The following DIAPH1 variants were observed in gnomAD, a reference collection of about 807,000 sequenced individuals.
DIAPH1 encodes protein diaphanous homolog 1.
A neutral mutation model predicts 140.7 loss-of-function variants in DIAPH1; 46 were observed. The observed-to-expected ratio is 0.33, with a 90% CI of 0.26 to 0.42. The LOEUF is 0.42. Among genes scored for constraint, DIAPH1 ranks in the 10% least tolerant of loss-of-function variants. The pLI is 1.00. For synonymous variants in DIAPH1, 565 were observed against 551.6 expected (o/e 1.02, Z -0.34); for missense variants, 1,310 against 1,558.7 (o/e 0.84, Z 2.69).
intron 1 of DIAPH1, among the ~76,000 whole-genome samples, chr5:141,602,605 C>T (rs2099900331): frequency 6.6e-6 from 1 of 152,176 alleles, no homozygotes; most frequent in African/African-American, 2.4e-5. Flanking sequence ...CTTCCTATCT[C>T]TAGGGTTCTG....
At chr5:141,602,365 A>G (rs2099900283) in intron 1 of DIAPH1, among the ~76,000 whole-genome samples, 2 of 152,238 alleles carry the variant, frequency 1.3e-5, no homozygotes, top group Admixed American at 6.5e-5. Context: ...ACAGGCGCCC[A>G]TCACCTCACT....
At position 141,573,602 on chromosome 5, in the gene DIAPH1, G is replaced by A; in HGVS notation, c.2248C>T (p.Pro750Ser). ...PPPPGMGMPP[P>S]PPFGFGVPAA... ...GGAACTCCAAATCCAAATGGGGGAG[G>A]TGGAGGCATACCCATTCCGGGTGGA... The change falls in exon 16 of 28, where the codon CCT (proline) becomes TCT (serine). Residue 750 changes from proline (P) to serine (S), a missense_variant. Physicochemically the swap from Pro to Ser is moderately conservative, Grantham distance 74. Transcript: ENST00000389054. 6.2e-7 allele frequency: 1 copy of A among 1,614,044 alleles called. No homozygotes were observed. Among genetic ancestry groups the A allele is most frequent in the Non-Finnish European group, 8.5e-7 (1 of 1,179,984 alleles).
In DIAPH1 at chr5:141,602,569, T is replaced by C. The variant is rs144098196; in HGVS notation, c.118-14319A>G. Among the ~76,000 whole-genome samples, 70 of 152,350 alleles carry C rather than the reference T, an allele frequency of 4.6e-4. 1 individual carries two copies. Among genetic ancestry groups the C allele is most frequent in the African/African-American group, 1.5e-3 (64 of 41,592 alleles). On this transcript the variant is annotated intron_variant, in intron 1 of 27. Transcript: ENST00000389054. ...AAAGGAATGTAAAGTCAGGGTAAGC[T>C]TTTAAAAATCGACCACAGTTTCAGT...
chr5:141,527,492 T>C, intron 24 of DIAPH1, 81 bp downstream of exon 24: 4 of 1,495,060 alleles, frequency 2.7e-6, no homozygotes, highest in Non-Finnish European at 3.7e-6. Context: ...CATACTGCCC[T>C]ATCTATCCTG....
intron 1 of DIAPH1, among the ~76,000 whole-genome samples, chr5:141,610,537 G>C (rs2099901651): frequency 6.6e-6 from 1 of 152,032 alleles, no homozygotes; most frequent in South Asian, 2.1e-4. Flanking sequence ...TTCATCTCGT[G>C]ATCCGCCCAC....
intron 18 of DIAPH1, among the ~76,000 whole-genome samples, chr5:141,553,361 C>A (rs1460252168): frequency 6.6e-6 from 1 of 151,906 alleles, no homozygotes; most frequent in Non-Finnish European, 1.5e-5. Flanking sequence ...CAGTCTCGGC[C>A]GGGCATGGTG....
At chr5:141,571,903 G>A (rs771686219) in intron 17 of DIAPH1, 23 bp downstream of exon 17, 6 of 1,508,436 alleles carry the variant, frequency 4.0e-6, no homozygotes, top group South Asian at 1.1e-5. Flanking sequence ...CTGGACCTTT[G>A]CATCAAAGAG....
intron 18 of DIAPH1, among the ~76,000 whole-genome samples, chr5:141,569,238 G>A (rs2099894801): frequency 6.6e-6 from 1 of 152,076 alleles, no homozygotes; most frequent in Admixed American, 6.5e-5. Flanking sequence ...ACTGTTTGGA[G>A]TCTGAATTCT....
chr5:141,573,609 C>T lies in DIAPH1; in HGVS notation c.2241G>A (p.Met747Ile), dbSNP rs2099895521. The stretch of plus-strand genomic sequence containing the variant: ...CAAATCCAAATGGGGGAGGTGGAGG[C>T]ATACCCATTCCGGGTGGAGGTGGAG... Reference protein sequence around the residue: ...GIPPPPPGMGMPPPPPFGFGV... With the variant: ...GIPPPPPGMGIPPPPPFGFGV... Residue 747 changes from methionine (M) to isoleucine (I), a missense_variant, in exon 16 of 28, where the codon ATG becomes ATA. Around this residue, in one of 3 missense-constraint regions of DIAPH1, gnomAD observed 589 missense variants for 549.3 expected, o/e 1.07. Coordinates refer to ENST00000389054, the MANE Select transcript of DIAPH1 (RefSeq NM_005219.5). 2 of 1,613,438 alleles carry T rather than the reference C, an allele frequency of 1.2e-6. No individual in the cohort carries two copies. The highest frequency in any genetic ancestry group is 2.7e-5 in the African/African-American group (2 of 74,714).
At chr5:141,561,569 CT>C (rs1036852540) in intron 18 of DIAPH1, among the ~76,000 whole-genome samples, 4 of 151,962 alleles carry the variant, frequency 2.6e-5, no homozygotes, top group African/African-American at 9.7e-5. Flanking sequence ...CTTTTTAACC[CT>C]GTGTCTTTTT....
At chr5:141,527,406 A>T (rs915458064) in intron 24 of DIAPH1, among the ~76,000 whole-genome samples, 167 bp downstream of exon 24, 1 of 152,086 alleles carries the variant, frequency 6.6e-6, no homozygotes, top group Non-Finnish European at 1.5e-5. Context: ...ACACAGAGAG[A>T]GCCTGTCTCA....
At chr5:141,608,340 T>C (rs2099901271) in intron 1 of DIAPH1, among the ~76,000 whole-genome samples, 1 of 152,204 alleles carries the variant, frequency 6.6e-6, no homozygotes, top group African/African-American at 2.4e-5. Context: ...AATTAGATAA[T>C]TCTTAGCATC....
intron 20 of DIAPH1, 114 bp from the exon 21 acceptor site, chr5:141,529,387 A>AAC: frequency 1.0e-6 from 1 of 988,634 alleles, no homozygotes; most frequent in Non-Finnish European, 1.6e-6. Flanking sequence ...TACAGAAAGA[A>AAC]ACATATGGTG....
At chr5:141,618,060 G>A (rs1057351742) in intron 1 of DIAPH1, among the ~76,000 whole-genome samples, 6 of 152,228 alleles carry the variant, frequency 3.9e-5, no homozygotes, top group African/African-American at 1.4e-4. Context: ...GTCAAGAAGG[G>A]CACAATCATG....
intron 1 of DIAPH1, among the ~76,000 whole-genome samples, chr5:141,617,644 A>G (rs2099902897): frequency 6.6e-6 from 1 of 152,234 alleles, no homozygotes; most frequent in Admixed American, 6.5e-5. Flanking sequence ...AAGAGAAGAC[A>G]AAAGAGCTAC....
rs753100456 is a variant in DIAPH1 at position 141,526,122 on chromosome 5, G to A, written c.3490C>T (p.Arg1164Ter). Residue 1164 changes from arginine (R) to a stop codon, truncating the protein, a stop_gained, in exon 26 of 28, where the codon CGA (arginine) becomes TGA (stop). Transcript: ENST00000389054. LOFTEE classifies it high-confidence loss of function. The stretch of plus-strand genomic sequence containing the variant: ...GCCTTCTCCTTGGCTAGTTTTGCTC[G>A]CCTCATCTTTTCTTCTGTCTCCCGC... ...KRRETEEKMR[R>*]AKLAKEKAEK... The A allele has an allele frequency of 2.5e-6, 4 of 1,613,972 alleles. No individual in the cohort carries two copies. Among genetic ancestry groups the A allele is most frequent in the Middle Eastern group, 1.6e-4 (1 of 6,062 alleles).
intron 1 of DIAPH1, 25 bp from the exon 2 acceptor site, chr5:141,588,275 GAAGA>G: frequency 1.3e-6 from 2 of 1,596,244 alleles, no homozygotes; most frequent in Non-Finnish European, 1.7e-6. Flanking sequence ...AAAGGAGGGA[GAAGA>G]AAGAAGAGAA....
chr5:141,528,352 G>T (rs1179335813), intron 23 of DIAPH1, 101 bp downstream of exon 23: 11 of 1,542,336 alleles, frequency 7.1e-6, no homozygotes, highest in African/African-American at 1.4e-5. Context: ...ATTTCCACTT[G>T]AAATAGTCTG....
chr5:141,587,155 T>C lies in DIAPH1; in HGVS notation c.187A>G (p.Lys63Glu). The part of the protein sequence containing the change: ...TSMRIKKEKE[K>E]PNSAHRNSSA... The stretch of plus-strand genomic sequence containing the variant: ...GAATTTCTATGAGCAGAATTGGGCT[T>C]TTCCTTCTCCTTCTTAATTCTCATG... Residue 63 changes from lysine to glutamate, a missense_variant, in exon 3 of 28, where the codon AAG (lysine) becomes GAG (glutamate). Coordinates refer to ENST00000389054, the MANE Select transcript of DIAPH1 (RefSeq NM_005219.5). The C allele has an allele frequency of 6.2e-7, 1 of 1,614,168 alleles. No individual in the cohort carries two copies. Among genetic ancestry groups the C allele is most frequent in the Non-Finnish European group, 8.5e-7 (1 of 1,180,012 alleles).
Sources: allele counts gnomAD v4.1 joint callset (sites outside exome capture counted in the v4.1 genomes callset), GRCh38; gene constraint gnomAD v4.1.1; regional missense constraint gnomAD v4.1.1; transcripts MANE v1.5; gene names NCBI Gene and HGNC (gene_info 2026-07-23, HGNC 2026-07-21).